Variants in KIAA0825 observed in about 807,000 individuals in gnomAD.
KIAA0825 encodes KIAA0825, also known as uncharacterized protein KIAA0825.
In KIAA0825, 119 loss-of-function variants were observed where a neutral mutation model predicts 147.6. The ratio of observed to expected loss-of-function variants is 0.81; its 90% CI spans 0.69 to 0.94. KIAA0825 has a LOEUF of 0.94. Among genes scored for constraint, KIAA0825 ranks in the 40% least tolerant of loss-of-function variants. The pLI is 0.00. For synonymous variants in KIAA0825, 470 were observed against 518.1 expected (o/e 0.91, Z 1.26); for missense variants, 1,381 against 1,472.7 (o/e 0.94, Z 1.02).
chr5:94,471,767 A>G, intron 8 of KIAA0825, 36 bp from the exon 9 acceptor site: 1 of 1,543,966 alleles, frequency 6.5e-7, no homozygotes, highest in Non-Finnish European at 8.8e-7. Context: ...AGTTATTTGT[A>G]TTCTGACAGC....
In KIAA0825 at chr5:94,231,068, C is replaced by T. The variant is rs566267349; in HGVS notation, c.3711-76944G>A. Among the ~76,000 whole-genome samples, 4 of 152,130 alleles carry T rather than the reference C, an allele frequency of 2.6e-5. No individual in the cohort carries two copies. The South Asian group carries it at 8.3e-4, about 32-fold the overall frequency. On this transcript the variant is annotated intron_variant, in intron 20 of 20. Coordinates refer to ENST00000682413, the MANE Select transcript of KIAA0825 (RefSeq NM_001145678.3). ...GCTAGGAAAGAACACATATGTTTAC[C>T]CAATAGAAAGTTTTCCCATGAAAAA...
chr5:94,325,796 T>C (rs1477894216), intron 20 of KIAA0825, among the ~76,000 whole-genome samples: 3 of 151,984 alleles, frequency 2.0e-5, no homozygotes, highest in Admixed American at 1.3e-4. Context: ...AGGTTACTTG[T>C]TGAATAATGT....
intron 1 of KIAA0825, among the ~76,000 whole-genome samples, chr5:94,608,121 A>G (rs1201200819): frequency 6.6e-6 from 1 of 151,912 alleles, no homozygotes; most frequent in Non-Finnish European, 1.5e-5. Flanking sequence ...ACGTATTAGG[A>G]TGTAGGTATC....
At chr5:94,306,440 C>G (rs1778740420) in intron 20 of KIAA0825, among the ~76,000 whole-genome samples, 1 of 151,778 alleles carries the variant, frequency 6.6e-6, no homozygotes. Context: ...AAATCCAGCA[C>G]CATATTAAAA....
At chr5:94,588,132 G>C (rs549076222) in intron 1 of KIAA0825, among the ~76,000 whole-genome samples, 6 of 152,280 alleles carry the variant, frequency 3.9e-5, no homozygotes, top group African/African-American at 1.2e-4. Context: ...ATAGGCATGG[G>C]CAAAGACTTC....
At chr5:94,277,905 C>A (rs1166022113) in intron 20 of KIAA0825, among the ~76,000 whole-genome samples, 1 of 152,188 alleles carries the variant, frequency 6.6e-6, no homozygotes, top group Non-Finnish European at 1.5e-5. Flanking sequence ...AAATGTGGCA[C>A]ATATACACCG....
intron 7 of KIAA0825, among the ~76,000 whole-genome samples, chr5:94,476,642 G>A (rs1288606609): frequency 2.0e-5 from 3 of 152,090 alleles, no homozygotes; most frequent in African/African-American, 4.8e-5. Context: ...TGGCTAAACC[G>A]TCCCAGAATC....
chr5:94,298,811 C>T (rs1369946669), intron 20 of KIAA0825, among the ~76,000 whole-genome samples: 1 of 152,142 alleles, frequency 6.6e-6, no homozygotes, highest in Non-Finnish European at 1.5e-5. Context: ...CCTTTGAATA[C>T]GTTCATCTTG....
chr5:94,356,319 G>C (rs540329740), intron 20 of KIAA0825, among the ~76,000 whole-genome samples: 19 of 152,090 alleles, frequency 1.2e-4, no homozygotes, highest in African/African-American at 4.6e-4. Context: ...CTTAAAACAT[G>C]AACTACAGCC....
intron 20 of KIAA0825, among the ~76,000 whole-genome samples, chr5:94,248,693 A>G (rs537589775): frequency 3.9e-5 from 6 of 152,254 alleles, no homozygotes; most frequent in African/African-American, 1.2e-4. Flanking sequence ...CCTTGCTGCA[A>G]TGTGGATTTA....
In KIAA0825 at chr5:94,152,847, AAAAAAAAATTATATATATATATATATAT is replaced by A. The variant is rs1766630257; in HGVS notation, c.*1132_*1159del. ...AAAAAAAAAAAAAAAAAAAAAAAAA[AAAAAAAAATTATATATATATATATATAT>A]ATATATATATATATATATATATATA... On this transcript the variant is annotated 3_prime_UTR_variant, in exon 21 of 21. Transcript: ENST00000682413. 2 of 30,148 alleles carry A rather than the reference AAAAAAAAATTATATATATATATATATAT, an allele frequency of 6.6e-5. No homozygotes were observed. Among genetic ancestry groups the A allele is most frequent in the East Asian group, 6.6e-4 (1 of 1,506 alleles). 1.9% of individuals were successfully genotyped at this position (30,148 alleles called of 1,614,324 possible). A position where few individuals can be genotyped will look rare whatever the true frequency, so the allele number is the denominator to read the frequency against.
chr5:94,340,647 T>C (rs1299622924), intron 20 of KIAA0825, among the ~76,000 whole-genome samples: 3 of 152,162 alleles, frequency 2.0e-5, no homozygotes, highest in Non-Finnish European at 4.4e-5. Context: ...ATATAATACA[T>C]TAATTAGTCT....
At chr5:94,244,989 A>C (rs1050102434) in intron 20 of KIAA0825, among the ~76,000 whole-genome samples, 1 of 152,314 alleles carries the variant, frequency 6.6e-6, no homozygotes, top group Non-Finnish European at 1.5e-5. Context: ...GTGCTTTGCT[A>C]TGCAACCTAG....
At chr5:94,311,410 C>T (rs1779162002) in intron 20 of KIAA0825, among the ~76,000 whole-genome samples, 1 of 151,388 alleles carries the variant, frequency 6.6e-6, no homozygotes, top group Non-Finnish European at 1.5e-5. Context: ...GAAGAATAAG[C>T]TGAATTTATA....
intron 2 of KIAA0825, among the ~76,000 whole-genome samples, chr5:94,553,451 GAA>G (rs962655071): frequency 7.8e-6 from 1 of 128,304 alleles, no homozygotes; most frequent in African/African-American, 2.9e-5. Flanking sequence ...AAAAAAAAAA[GAA>G]AAAAAAAAAG....
At chr5:94,337,935 A>G (rs1781978396) in intron 20 of KIAA0825, among the ~76,000 whole-genome samples, 1 of 152,240 alleles carries the variant, frequency 6.6e-6, no homozygotes, top group Admixed American at 6.5e-5. Flanking sequence ...GGTAGACAGA[A>G]GAACAGAGGC....
chr5:94,244,576 A>G (rs1213180068), intron 20 of KIAA0825, among the ~76,000 whole-genome samples: 1 of 152,100 alleles, frequency 6.6e-6, no homozygotes, highest in East Asian at 1.9e-4. Context: ...GTCTCAAGCA[A>G]TCCTCCCATC....
chr5:94,165,636 G>A lies in KIAA0825; in HGVS notation c.3711-11512C>T, dbSNP rs963274103. Among the ~76,000 whole-genome samples the A allele has an allele frequency of 2.6e-5, 4 of 152,186 alleles. No homozygotes were observed. In the East Asian group the frequency reaches 7.7e-4, roughly 29 times the overall value. On this transcript the variant is annotated intron_variant, in intron 20 of 20. Transcript: ENST00000682413. ...CAATAGATAAATGGATAAAGAAAAT[G>A]TGGTACATATACACAATGGAGTAAT...
At chr5:94,244,198 T>TC (rs2150109426) in intron 20 of KIAA0825, among the ~76,000 whole-genome samples, 1 of 152,352 alleles carries the variant, frequency 6.6e-6, no homozygotes, top group African/African-American at 2.4e-5. Context: ...TTTTCCTTCT[T>TC]CGTAAACTAT....
Sources: allele counts gnomAD v4.1 joint callset (sites outside exome capture counted in the v4.1 genomes callset), GRCh38; gene constraint gnomAD v4.1.1; transcripts MANE v1.5; gene names NCBI Gene and HGNC (gene_info 2026-07-23, HGNC 2026-07-21).